The following PRDX5 variants were observed in gnomAD, a reference collection of about 807,000 sequenced individuals.
The protein encoded by PRDX5 is peroxiredoxin-5, mitochondrial.
In PRDX5, 21 loss-of-function variants were observed where a neutral mutation model predicts 23.8. The ratio of observed to expected loss-of-function variants is 0.88; its 90% CI spans 0.63 to 1.27. The LOEUF is 1.27. Ranked by LOEUF, PRDX5 falls within the 50% of genes most tolerant of loss-of-function variation. The probability of loss-of-function intolerance (pLI) is 0.00; values close to 1 mark genes in which losing one functional copy is unlikely to be tolerated. For synonymous variants in PRDX5, 111 were observed against 113.3 expected, an observed-to-expected ratio of 0.98 and a Z score of 0.13; for missense variants, 261 against 270.6, an observed-to-expected ratio of 0.96 and a Z score of 0.25.
In PRDX5 at chr11:64,318,246, C is replaced by T. The variant is rs1184442007; in HGVS notation, c.31C>T (p.Arg11Cys). The T allele has an allele frequency of 1.9e-6, 3 of 1,612,098 alleles. No individual in the cohort carries two copies. The South Asian group carries it at 3.3e-5, about 18-fold the overall frequency. The part of the protein sequence containing the change: MGLAGVCALR[R>C]SAGYILVGGA... Reference sequence around the variant, plus strand: ...ACTAGCTGGCGTGTGCGCCCTGAGACGCTCAGCGGGCTATATACTCGTCGG... The same window carrying T: ...ACTAGCTGGCGTGTGCGCCCTGAGATGCTCAGCGGGCTATATACTCGTCGG... The change falls in exon 1 of 6, where the codon CGC becomes TGC. Residue 11 changes from arginine to cysteine, a missense_variant. Physicochemically the swap from Arg to Cys is radical, Grantham distance 180. Coordinates refer to ENST00000265462, the MANE Select transcript of PRDX5 (RefSeq NM_012094.5).
Position 64,320,439 on chromosome 11 carries a change from A to C in PRDX5, c.307-222A>C, listed in dbSNP as rs573820937. On this transcript the variant is annotated intron_variant, in intron 2 of 5. Coordinates refer to ENST00000265462, the MANE Select transcript of PRDX5 (RefSeq NM_012094.5). ...TGCTTGGGACTCAGATAAATAAGAC[A>C]TAGATCTGCCCATGGAAAGTTCACG... Among the ~76,000 whole-genome samples the C allele has an allele frequency of 2.4e-4, 36 of 152,360 alleles. No individual in the cohort carries two copies. In the South Asian group the frequency reaches 7.0e-3, roughly 30 times the overall value.
rs755393595 is a variant in PRDX5 at position 64,321,664 on chromosome 11, G to A, written c.618G>A (p.Leu206=). 1.9e-6 allele frequency: 3 copies of A among 1,599,102 alleles called. No individual in the cohort carries two copies. The highest frequency in any genetic ancestry group is 2.2e-5 in the South Asian group (2 of 89,322). The change falls in exon 6 of 6, where the codon CTG becomes CTA. Residue 206 remains leucine (L), a synonymous_variant. Transcript: ENST00000265462. Reference sequence around the variant, plus strand: ...ATGGCACAGGCCTCACCTGCAGCCTGGCACCCAATATCATCTCACAGCTCT... The same window carrying A: ...ATGGCACAGGCCTCACCTGCAGCCTAGCACCCAATATCATCTCACAGCTCT... The part of the protein sequence containing the change: ...EPDGTGLTCS[L]APNIISQL
chr11:64,320,296 AAAG>A (rs1419590687), intron 2 of PRDX5, among the ~76,000 whole-genome samples: 2 of 152,130 alleles, frequency 1.3e-5, no homozygotes, highest in Admixed American at 1.3e-4. Context: ...AAAAAAAAAA[AAAG>A]AAAACAAGTA....
At position 64,321,068 on chromosome 11, in the gene PRDX5, G is replaced by A. The variant is rs1372017815; in HGVS notation, c.539G>A (p.Arg180Lys). 4.3e-6 allele frequency: 7 copies of A among 1,613,156 alleles called. No homozygotes were observed. The highest frequency in any genetic ancestry group is 1.3e-5 in the African/African-American group (1 of 74,918). The change falls in exon 5 of 6, where the codon AGG becomes AAG. Residue 180 changes from arginine to lysine, a missense_variant and splice_region_variant. By Grantham distance (26) the Arg-to-Lys change is conservative. Transcript: ENST00000265462. ...ATCTTTGGGAATCGACGTCTCAAGAGGTAAAAGTGGAGAGTCCTCTGTGGA... is the reference window on the plus strand; with the variant it reads ...ATCTTTGGGAATCGACGTCTCAAGAAGTAAAAGTGGAGAGTCCTCTGTGGA... ...VSIFGNRRLK[R>K]FSMVVQDGIV...
intron 1 of PRDX5, among the ~76,000 whole-genome samples, chr11:64,318,963 C>T (rs551363904): frequency 6.6e-6 from 1 of 151,240 alleles, no homozygotes; most frequent in African/African-American, 2.4e-5. Context: ...CGGGGGCTTA[C>T]CCCATCCCAC....
rs761053962 is a variant in PRDX5 at position 64,320,782 on chromosome 11, C to T, written c.428C>T (p.Ala143Val). ...GGCGAGTGGGGCCGAGCCCACAAGGCGGAAGGCAAGGTGAGGTGAGGGGCC... is the reference window on the plus strand; with the variant it reads ...GGCGAGTGGGGCCGAGCCCACAAGGTGGAAGGCAAGGTGAGGTGAGGGGCC... Reference protein sequence around the residue: ...VTGEWGRAHKAEGKVRLLADP... With the variant: ...VTGEWGRAHKVEGKVRLLADP... Residue 143 changes from alanine (A) to valine (V), a missense_variant, in exon 3 of 6, where the codon GCG becomes GTG. Coordinates refer to ENST00000265462, the MANE Select transcript of PRDX5 (RefSeq NM_012094.5). The T allele has an allele frequency of 1.6e-5, 26 of 1,614,000 alleles. No homozygotes were observed. The highest frequency in any genetic ancestry group is 3.3e-5 in the Admixed American group (2 of 60,002).
rs1412335355 is a variant in PRDX5, at chr11:64,318,340, G to T, written c.125G>T (p.Gly42Val). The T allele has an allele frequency of 2.5e-6, 4 of 1,612,348 alleles. No individual in the cohort carries two copies. Among genetic ancestry groups the T allele is most frequent in the Non-Finnish European group, 2.5e-6 (3 of 1,179,638 alleles). ...AGTGAAGGAGAGTGGGCGTCTGGCGGGGTCCGCAGTTTCAGCAGAGCCGCT... is the reference window on the plus strand; with the variant it reads ...AGTGAAGGAGAGTGGGCGTCTGGCGTGGTCCGCAGTTTCAGCAGAGCCGCT... ...RYSEGEWASG[G>V]VRSFSRAAAA... Residue 42 changes from glycine to valine, a missense_variant, in exon 1 of 6, where the codon GGG (glycine) becomes GTG (valine). Gly to Val is a moderately radical substitution (Grantham distance 109). Coordinates refer to ENST00000265462, the MANE Select transcript of PRDX5 (RefSeq NM_012094.5).
chr11:64,318,363 G>A lies in PRDX5; in HGVS notation c.148G>A (p.Ala50Thr). The stretch of plus-strand genomic sequence containing the variant: ...CGGGGTCCGCAGTTTCAGCAGAGCC[G>A]CTGCAGCCATGGCCCCAATCAAGGT... The part of the protein sequence containing the change: ...SGGVRSFSRA[A>T]AAMAPIKVGD... Residue 50 changes from alanine (A) to threonine (T), a missense_variant, in exon 1 of 6, where the codon GCT becomes ACT. Coordinates refer to ENST00000265462, the MANE Select transcript of PRDX5 (RefSeq NM_012094.5). 6.2e-7 allele frequency: 1 copy of A among 1,609,626 alleles called. No homozygotes were observed. The highest frequency in any genetic ancestry group is 1.1e-5 in the South Asian group (1 of 90,598).
chr11:64,321,480 A>G, intron 5 of PRDX5, 106 bp from the exon 6 acceptor site: 1 of 1,519,920 alleles, frequency 6.6e-7, no homozygotes, highest in South Asian at 1.3e-5. Context: ...CTGTGGGGGG[A>G]GTCCTCTCTG....
chr11:64,321,736 GC>G lies in PRDX5; in HGVS notation c.*48del, dbSNP rs1419023534. 2 of 1,527,736 alleles carry G rather than the reference GC, an allele frequency of 1.3e-6. No individual in the cohort carries two copies. Among genetic ancestry groups the G allele is most frequent in the Non-Finnish European group, 1.8e-6 (2 of 1,133,146 alleles). The allele number at this position is 1,527,736 out of a possible 1,614,324, so 94.6% of individuals were successfully genotyped here. A position where few individuals can be genotyped will look rare whatever the true frequency, so the allele number is the denominator to read the frequency against. On this transcript the variant is annotated 3_prime_UTR_variant, in exon 6 of 6. Transcript: ENST00000265462. ...TCCTCCACCCCTCCCTATCTCACCT[GC>G]CCAGCCCTGTGCTGGGGCCCTGCAA...
At chr11:64,320,107 G>A (rs1313961561) in intron 2 of PRDX5, among the ~76,000 whole-genome samples, 2 of 152,150 alleles carry the variant, frequency 1.3e-5, no homozygotes, top group Admixed American at 1.3e-4. Flanking sequence ...GTGAAACCCT[G>A]TCTCTACTAA....
chr11:64,319,733 G>A lies in PRDX5; in HGVS notation c.172-1G>A, dbSNP rs2035439268. The A allele has an allele frequency of 3.1e-6, 5 of 1,613,562 alleles. No homozygotes were observed. The highest frequency in any genetic ancestry group is 4.2e-6 in the Non-Finnish European group (5 of 1,179,732). On this transcript the variant is annotated splice_acceptor_variant, in intron 1 of 5. Coordinates refer to ENST00000265462, the MANE Select transcript of PRDX5 (RefSeq NM_012094.5). LOFTEE classifies it high-confidence loss of function. ...CCTTACCCTGGAGTCCTTCCTTCTA[G>A]GTGGGAGATGCCATCCCAGCAGTGG...
At position 64,318,134 on chromosome 11, in the gene PRDX5, T is replaced by G; in HGVS notation, c.-82T>G. The G allele has an allele frequency of 1.3e-6, 2 of 1,569,198 alleles. No homozygotes were observed. On this transcript the variant is annotated 5_prime_UTR_variant, in exon 1 of 6. Transcript: ENST00000265462. The stretch of plus-strand genomic sequence containing the variant: ...GCCCAGGCCCGCCTTCCGCAGGGTG[T>G]CGCCGCTGTGCCGCTAGCGGTGCCC...
In PRDX5 at chr11:64,318,321, G is replaced by A. The variant is rs1019065444; in HGVS notation, c.106G>A (p.Gly36Arg). 3 of 1,612,698 alleles carry A rather than the reference G, an allele frequency of 1.9e-6. No individual in the cohort carries two copies. Among genetic ancestry groups the A allele is most frequent in the South Asian group, 1.1e-5 (1 of 91,006 alleles). ...AAAAARRYSEGEWASGGVRSF... is the reference protein window; with the variant it reads ...AAAAARRYSEREWASGGVRSF... Reference sequence around the variant, plus strand: ...AGCGGCAGCAAGACGGTACAGTGAAGGAGAGTGGGCGTCTGGCGGGGTCCG... The same window carrying A: ...AGCGGCAGCAAGACGGTACAGTGAAAGAGAGTGGGCGTCTGGCGGGGTCCG... The change falls in exon 1 of 6, where the codon GGA becomes AGA. Residue 36 changes from glycine (G) to arginine (R), a missense_variant. Transcript: ENST00000265462.
chr11:64,319,046 A>G (rs192490733), intron 1 of PRDX5, among the ~76,000 whole-genome samples: 279 of 150,852 alleles, frequency 1.8e-3, no homozygotes, highest in Admixed American at 3.4e-3. Flanking sequence ...AACCGTCCCC[A>G]GGGCCTTGGA....
intron 1 of PRDX5, 41 bp downstream of exon 1, chr11:64,318,427 C>G: frequency 3.2e-6 from 5 of 1,569,794 alleles, no homozygotes; most frequent in Non-Finnish European, 4.3e-6. Context: ...CCCCACTACC[C>G]CCATGGCAAT....
chr11:64,321,098 G>C, intron 5 of PRDX5, 30 bp downstream of exon 5: 1 of 1,364,400 alleles, frequency 7.3e-7, no homozygotes, highest in Non-Finnish European at 1.0e-6. Flanking sequence ...TGTGGAGAGA[G>C]TCCTCTGTGG....
intron 5 of PRDX5, 135 bp from the exon 6 acceptor site, chr11:64,321,451 C>G (rs2035497949): frequency 1.4e-6 from 2 of 1,418,370 alleles, no homozygotes; most frequent in Non-Finnish European, 1.9e-6. Context: ...GTGGTGAGTC[C>G]TCTGTGGGGG....
At chr11:64,319,918 C>T in intron 2 of PRDX5, 50 bp downstream of exon 2, 2 of 1,599,100 alleles carry the variant, frequency 1.3e-6, no homozygotes, top group Non-Finnish European at 1.7e-6. Context: ...TTTTGTGTTG[C>T]TCTTAAGTCC....
Sources: allele counts gnomAD v4.1 joint callset (sites outside exome capture counted in the v4.1 genomes callset), GRCh38; gene constraint gnomAD v4.1.1; transcripts MANE v1.5; gene names NCBI Gene and HGNC (gene_info 2026-07-23, HGNC 2026-07-21).